LRRC37A2: variants seen among roughly 807,000 people sequenced by gnomAD.
The protein encoded by LRRC37A2 is leucine rich repeat containing 37 member A2.
A neutral mutation model predicts 68.8 loss-of-function variants in LRRC37A2; 9 were observed. That is an observed-to-expected ratio of 0.13 (90% confidence interval 0.08 to 0.23). The LOEUF (loss-of-function observed/expected upper bound fraction) is 0.23. Among genes scored for constraint, LRRC37A2 ranks in the 10% least tolerant of loss-of-function variants. LRRC37A2 has a pLI of 1.00. For synonymous variants in LRRC37A2, 63 were observed against 367.6 expected, an observed-to-expected ratio of 0.17 and a Z score of 9.48; for missense variants, 168 against 950.4, an observed-to-expected ratio of 0.18 and a Z score of 10.82.
chr17:46,894,271 G>T, the LRRC37A2 span, among the ~76,000 whole-genome samples: 6 of 152,162 alleles, frequency 3.9e-5, no homozygotes, highest in Admixed American at 3.9e-4. Flanking sequence ...CAACCTCATG[G>T]GACTAACTTC....
chr17:46,915,284 G>A, the LRRC37A2 span, among the ~76,000 whole-genome samples: 2 of 152,222 alleles, frequency 1.3e-5, no homozygotes, highest in Middle Eastern at 3.4e-3. Context: ...AATGGTAACG[G>A]GAGCCCCTAC....
At chr17:46,952,026 T>TA in the LRRC37A2 span, among the ~76,000 whole-genome samples, 1 of 152,238 alleles carries the variant, frequency 6.6e-6, no homozygotes. Flanking sequence ...TTCGTATATA[T>TA]TGCATCAGGG....
the LRRC37A2 span, among the ~76,000 whole-genome samples, chr17:46,765,494 G>A: frequency 2.6e-5 from 4 of 152,244 alleles, no homozygotes; most frequent in African/African-American, 9.6e-5. Flanking sequence ...TTTGACAGGC[G>A]CTCTCTCCTC....
At chr17:46,891,617 TTGTC>T in the LRRC37A2 span, among the ~76,000 whole-genome samples, 1 of 152,178 alleles carries the variant, frequency 6.6e-6, no homozygotes, top group African/African-American at 2.4e-5. Flanking sequence ...GGATGTCAGT[TTGTC>T]TGTACGGAAC....
At chr17:46,789,240 C>T in the LRRC37A2 span, among the ~76,000 whole-genome samples, 1 of 152,194 alleles carries the variant, frequency 6.6e-6, no homozygotes, top group South Asian at 2.1e-4. Context: ...TAGCACTGGC[C>T]ACCAGGGCTG....
At chr17:46,928,915 C>T in the LRRC37A2 span, among the ~76,000 whole-genome samples, 2 of 152,120 alleles carry the variant, frequency 1.3e-5, no homozygotes, top group Admixed American at 1.3e-4. Context: ...TTCTCAGCCC[C>T]ACCCCTCTGT....
At chr17:46,816,785 C>A in the LRRC37A2 span, among the ~76,000 whole-genome samples, 1 of 152,186 alleles carries the variant, frequency 6.6e-6, no homozygotes, top group African/African-American at 2.4e-5. Context: ...GGCCGCCAAA[C>A]CTTTCCTTCC....
At chr17:46,948,710 G>A in the LRRC37A2 span, 3 of 152,230 alleles carry the variant, frequency 2.0e-5, no homozygotes, top group Admixed American at 1.3e-4. Context: ...TTACTGCTGG[G>A]GTTAGATACT....
the LRRC37A2 span, among the ~76,000 whole-genome samples, chr17:47,001,363 T>TGA: frequency 6.7e-6 from 1 of 149,694 alleles, no homozygotes; most frequent in Admixed American, 6.8e-5. Context: ...AAAGCGGAAG[T>TGA]GAGAGATGCT....
chr17:46,525,611 A>C (rs58982769), intron 6 of LRRC37A2, among the ~76,000 whole-genome samples: 1,314 of 115,716 alleles, frequency 0.011, 9 homozygotes, highest in African/African-American at 0.042. Context: ...ATATAATAAT[A>C]ATAATCATCA....
At chr17:46,884,796 T>A in the LRRC37A2 span, among the ~76,000 whole-genome samples, 1 of 152,052 alleles carries the variant, frequency 6.6e-6, no homozygotes, top group Non-Finnish European at 1.5e-5. Context: ...TCAGACCCAG[T>A]GAAGGCGACA....
chr17:46,732,141 G>T, the LRRC37A2 span, among the ~76,000 whole-genome samples: 1 of 152,162 alleles, frequency 6.6e-6, no homozygotes, highest in Non-Finnish European at 1.5e-5. Context: ...AACAAAAGTT[G>T]TGAGCATTTT....
chr17:47,009,781 C>T, the LRRC37A2 span, among the ~76,000 whole-genome samples: 1 of 152,260 alleles, frequency 6.6e-6, no homozygotes, highest in Non-Finnish European at 1.5e-5. Context: ...CACGGGGCAG[C>T]ATTGCCCACT....
At chr17:46,737,617 G>A in the LRRC37A2 span, among the ~76,000 whole-genome samples, 11 of 151,480 alleles carry the variant, frequency 7.3e-5, no homozygotes, top group Admixed American at 7.2e-4. Context: ...TCTGATCCAT[G>A]CAGAAGCTAA....
At chr17:46,771,909 T>C in the LRRC37A2 span, among the ~76,000 whole-genome samples, 3 of 124,068 alleles carry the variant, frequency 2.4e-5, no homozygotes, top group Admixed American at 1.5e-4. Flanking sequence ...CGCCCCCGCC[T>C]GGGGAAGCGC....
chr17:46,733,363 T>G, the LRRC37A2 span, among the ~76,000 whole-genome samples: 1 of 152,092 alleles, frequency 6.6e-6, no homozygotes, highest in Non-Finnish European at 1.5e-5. Context: ...TTTTTTTCTT[T>G]TTGGGAGACA....
At chr17:46,573,594 CAG>C in the LRRC37A2 span, among the ~76,000 whole-genome samples, 1 of 21,932 alleles carries the variant, frequency 4.6e-5, no homozygotes, top group East Asian at 1.2e-3. Context: ...GTTTTTGAGA[CAG>C]AGTCTCGCTC....
the LRRC37A2 span, chr17:46,422,714 GA>G: frequency 5.8e-6 from 2 of 344,166 alleles, no homozygotes; most frequent in Non-Finnish European, 1.1e-5. Flanking sequence ...ATAGTAGGGA[GA>G]AAAAATTGCT....
chr17:46,853,906 G>A, the LRRC37A2 span, among the ~76,000 whole-genome samples: 1 of 152,168 alleles, frequency 6.6e-6, no homozygotes, highest in Non-Finnish European at 1.5e-5. Context: ...GAAGGGAAAG[G>A]TGTTCTCAGC....
Sources: gnomAD v4.1 joint callset for allele counts (sites outside exome capture counted in the v4.1 genomes callset) on GRCh38, gnomAD v4.1.1 for gene constraint, MANE v1.5 for transcripts, NCBI Gene and HGNC (gene_info 2026-07-23, HGNC 2026-07-21) for gene names.